CFAP74: variants seen among roughly 807,000 people sequenced by gnomAD.
CFAP74 encodes cilia and flagella associated protein 74.
A neutral mutation model predicts 188.9 loss-of-function variants in CFAP74; 124 were observed. The observed-to-expected ratio is 0.66, with a 90% confidence interval of 0.57 to 0.76. The LOEUF (loss-of-function observed/expected upper bound fraction) is 0.76. Among genes scored for constraint, CFAP74 ranks in the 30% least tolerant of loss-of-function variants. The probability of loss-of-function intolerance (pLI) is 0.00; values close to 1 mark genes in which losing one functional copy is unlikely to be tolerated. For synonymous variants in CFAP74, 956 were observed against 916.7 expected (o/e 1.04, Z -0.77); for missense variants, 2,198 against 2,165.2 (o/e 1.02, Z -0.30).
chr1:1,985,690 C>CA (rs1657190827), intron 5 of CFAP74, among the ~76,000 whole-genome samples, 200 bp from the exon 6 acceptor site: 3 of 152,260 alleles, frequency 2.0e-5, no homozygotes, highest in African/African-American at 4.8e-5. Flanking sequence ...CCACATGGCA[C>CA]AGCCCCAGGG....
Position 1,968,737 on chromosome 1 carries a change from G to C in CFAP74, c.1143C>G (p.Pro381=), listed in dbSNP as rs1558038221. 12 of 1,614,096 alleles carry C rather than the reference G, an allele frequency of 7.4e-6. No homozygotes were observed. The highest frequency in any genetic ancestry group is 1.0e-5 in the Non-Finnish European group (12 of 1,179,974). ...TCAGCCGGTGCCTGGCACTGGTGGG[G>C]GGATGCTGTTTCTTCCTCTTTTCCT... is the stretch of plus-strand genomic sequence containing the variant. ...AEEEKRKKQH[P]PTSARHRLTL... is the part of the protein sequence containing the mutation. The change falls in exon 11 of 39, where the codon CCC becomes CCG. Residue 381 remains proline, a synonymous_variant. Transcript: ENST00000682832. This position sits in a 1 kb window ranked among gnomAD's most constrained non-coding sequence, Gnocchi z 4.3.
At chr1:1,990,687 G>A (rs146931197) in intron 2 of CFAP74, among the ~76,000 whole-genome samples, 1 of 152,068 alleles carries the variant, frequency 6.6e-6, no homozygotes. Context: ...AGAAAACTAT[G>A]GTCTGCCGCC....
intron 6 of CFAP74, among the ~76,000 whole-genome samples, chr1:1,982,718 CG>C (rs1457929094): frequency 1.3e-5 from 2 of 152,210 alleles, no homozygotes; most frequent in Admixed American, 6.5e-5. Flanking sequence ...AGGTGGGCTC[CG>C]GGCGCTCGGG....
intron 6 of CFAP74, among the ~76,000 whole-genome samples, chr1:1,981,999 G>A (rs1388514772): frequency 1.4e-4 from 20 of 143,586 alleles, no homozygotes; most frequent in Admixed American, 2.8e-4. Context: ...ACACCCAGCC[G>A]TGGACAGACA....
intron 16 of CFAP74, among the ~76,000 whole-genome samples, chr1:1,957,618 C>T (rs1029987613): frequency 8.0e-4 from 122 of 152,312 alleles, no homozygotes; most frequent in Non-Finnish European, 5.6e-4. Context: ...AGACCAAATG[C>T]GGGAGAGGCC....
intron 18 of CFAP74, chr1:1,955,448 C>G (rs1179124269): frequency 6.5e-7 from 1 of 1,537,032 alleles, no homozygotes; most frequent in Non-Finnish European, 8.8e-7. Context: ...GCCTGCTGGG[C>G]CAATGCTGGA....
intron 33 of CFAP74, among the ~76,000 whole-genome samples, chr1:1,925,385 G>A (rs1167638212): frequency 6.6e-6 from 1 of 152,152 alleles, no homozygotes. Flanking sequence ...ATGAGAGCAC[G>A]CAGGGCAGTG....
chr1:1,970,968 A>G (rs574358837), intron 9 of CFAP74, 152 bp from the exon 10 acceptor site: 18 of 896,112 alleles, frequency 2.0e-5, no homozygotes, highest in African/African-American at 8.5e-5. Context: ...CACATCACAC[A>G]TGCACACCTG....
At position 1,965,174 on chromosome 1, in the gene CFAP74, C is replaced by A. The variant is rs1655384999; in HGVS notation, c.1402-113G>T. The stretch of plus-strand genomic sequence containing the variant: ...GCAGAGCACGGACAGCCCAGCCCCA[C>A]CGGCTGCCACCAGCGCTGGAGCTGG... On this transcript the variant is annotated intron_variant, in intron 12 of 38. Coordinates refer to ENST00000682832, the MANE Select transcript of CFAP74 (RefSeq NM_001304360.2). 7.8e-6 allele frequency: 8 copies of A among 1,025,738 alleles called. No individual in the cohort carries two copies. The African/African-American group carries it at 8.1e-5, about 10-fold the overall frequency. The allele number at this position is 1,025,738 out of a possible 1,614,324, so 63.5% of individuals were successfully genotyped here.
intron 37 of CFAP74, 96 bp from the exon 38 acceptor site, chr1:1,922,819 C>T: frequency 6.7e-7 from 1 of 1,496,478 alleles, no homozygotes; most frequent in Non-Finnish European, 8.9e-7. Flanking sequence ...CTCACCCTCC[C>T]AGCTCTGACC....
intron 18 of CFAP74, 71 bp downstream of exon 18, chr1:1,955,620 A>G: frequency 6.2e-7 from 1 of 1,612,876 alleles, no homozygotes; most frequent in Non-Finnish European, 8.5e-7. Context: ...TGGGCCCCTC[A>G]GCCCCCTGGA....
chr1:1,968,601 G>C lies in CFAP74; in HGVS notation c.1245+34C>G. ...GGCCCCACCTGCCCTCCACAGGTGT[G>C]CGGCTTCTGTCTACAGGAAGGCGTT... On this transcript the variant is annotated intron_variant, in intron 11 of 38. Transcript: ENST00000682832. The surrounding 1 kb of genome is among the most constrained non-coding windows in gnomAD (Gnocchi z 4.3). 1.9e-6 allele frequency: 3 copies of C among 1,586,522 alleles called. No homozygotes were observed. Among genetic ancestry groups the C allele is most frequent in the Non-Finnish European group, 2.6e-6 (3 of 1,158,210 alleles).
chr1:1,972,946 G>A lies in CFAP74; in HGVS notation c.776C>T (p.Ser259Phe). 4 of 1,611,668 alleles carry A rather than the reference G, an allele frequency of 2.5e-6. No homozygotes were observed. Among genetic ancestry groups the A allele is most frequent in the South Asian group, 1.1e-5 (1 of 91,030 alleles). ...CGAAGGGAGGCCCTACCTTCCCAGG[G>A]AGGCCTTCAGGAACCGCACGGCAAC... ...HKVAVRFLKASLGRIREQEKK... is the reference protein window; with the variant it reads ...HKVAVRFLKAFLGRIREQEKK... The change falls in exon 8 of 39, where the codon TCC becomes TTC. Residue 259 changes from serine (S) to phenylalanine (F), a missense_variant. Transcript: ENST00000682832.
At chr1:1,971,027 ATGCACACC>A (rs1338778992) in intron 9 of CFAP74, among the ~76,000 whole-genome samples, 4 of 145,942 alleles carry the variant, frequency 2.7e-5, no homozygotes, top group Non-Finnish European at 4.5e-5. Context: ...CACATCACAC[ATGCACACC>A]TGCACACACG....
intron 14 of CFAP74, among the ~76,000 whole-genome samples, chr1:1,963,385 A>G (rs1377035091): frequency 1.5e-5 from 2 of 130,542 alleles, no homozygotes; most frequent in African/African-American, 5.8e-5. Context: ...CAGGAGGTAG[A>G]GGTTGCAGTG....
chr1:1,940,252 C>T (rs1422340396), intron 23 of CFAP74, 64 bp downstream of exon 23: 4 of 1,318,804 alleles, frequency 3.0e-6, no homozygotes, highest in East Asian at 2.5e-5. Flanking sequence ...TGGGCCTGGC[C>T]TCCCAGGAAA....
At chr1:1,980,379 C>T (rs1196232117) in intron 6 of CFAP74, among the ~76,000 whole-genome samples, 2 of 47,764 alleles carry the variant, frequency 4.2e-5, no homozygotes, top group East Asian at 7.2e-4. Flanking sequence ...GACGGGTGAA[C>T]GAGAGACTGT....
chr1:1,988,867 C>T (rs778541690), intron 3 of CFAP74, 22 bp downstream of exon 3: 51 of 1,012,498 alleles, frequency 5.0e-5, no homozygotes, highest in Non-Finnish European at 6.6e-5. Context: ...CACCCACCTC[C>T]ACCCCCGATC....
intron 25 of CFAP74, among the ~76,000 whole-genome samples, chr1:1,931,261 C>T (rs577680467): frequency 1.2e-3 from 177 of 149,960 alleles, no homozygotes; most frequent in African/African-American, 4.2e-3. Flanking sequence ...AACCCCGTCT[C>T]TACTAAAAAT....
Sources: gnomAD v4.1 joint callset for allele counts (sites outside exome capture counted in the v4.1 genomes callset) on GRCh38, gnomAD v4.1.1 for gene constraint, Gnocchi (gnomAD v3.1) non-coding constraint, MANE v1.5 for transcripts, NCBI Gene and HGNC (gene_info 2026-07-23, HGNC 2026-07-21) for gene names.